Variants in RIC1 observed in about 807,000 individuals in gnomAD.
RIC1 encodes RIC1 partner of RAB6A GEF complex.
Under a neutral mutation model 169.0 loss-of-function variants are expected in RIC1, and 88 were observed. The observed-to-expected ratio is 0.52, with a 90% confidence interval of 0.44 to 0.62. The LOEUF (loss-of-function observed/expected upper bound fraction) is 0.62. Among genes scored for constraint, RIC1 ranks in the 20% least tolerant of loss-of-function variants. The pLI is 0.00. For synonymous variants in RIC1, 790 were observed against 601.5 expected (o/e 1.31, Z -4.59); for missense variants, 1,877 against 1,725.5 (o/e 1.09, Z -1.56).
At chr9:5,683,901 G>A (rs1821026116) in intron 2 of RIC1, among the ~76,000 whole-genome samples, 2 of 152,132 alleles carry the variant, frequency 1.3e-5, no homozygotes, top group Non-Finnish European at 1.5e-5. Context: ...AGACTGCTGT[G>A]CTAGCAATGA....
At chr9:5,768,312 G>A (rs1229142353) in intron 21 of RIC1, among the ~76,000 whole-genome samples, 3 of 152,158 alleles carry the variant, frequency 2.0e-5, no homozygotes, top group African/African-American at 7.2e-5. Flanking sequence ...GATTGCTTGA[G>A]GCCAGGAGTT....
chr9:5,753,524 T>C lies in RIC1; in HGVS notation c.1492-12T>C, dbSNP rs1217541606. On this transcript the variant is annotated splice_polypyrimidine_tract_variant and intron_variant, in intron 13 of 25. Coordinates refer to ENST00000414202, the MANE Select transcript of RIC1 (RefSeq NM_020829.4). ...TTTGCAAGGAAAAGTTCTTATTTTT[T>C]TTTTTAAACAGTTTTCAGCTATTGA... is the stretch of plus-strand genomic sequence containing the variant. 3 of 1,547,412 alleles carry C rather than the reference T, an allele frequency of 1.9e-6. No homozygotes were observed. The highest frequency in any genetic ancestry group is 2.6e-6 in the Non-Finnish European group (3 of 1,137,074).
At chr9:5,645,921 C>G (rs542518947) in intron 1 of RIC1, among the ~76,000 whole-genome samples, 1 of 150,986 alleles carries the variant, frequency 6.6e-6, no homozygotes, top group Non-Finnish European at 1.5e-5. Flanking sequence ...CAGAAGTGGA[C>G]CTGCTGTTTC....
chr9:5,732,333 TAC>T, intron 6 of RIC1, 53 bp from the exon 7 acceptor site: 2 of 1,306,314 alleles, frequency 1.5e-6, no homozygotes, highest in Non-Finnish European at 2.2e-6. Flanking sequence ...TTATATTGAC[TAC>T]GGTAAATTTG....
rs566327415 is a variant in RIC1, at chr9:5,683,632, C to G, written c.253-6327C>G. ...GGAGGCAGTCTGCCGGTTCTCAGATCTCAAGCTGTGTGCTGGGAGAGCCAC... is the reference window on the plus strand; with the variant it reads ...GGAGGCAGTCTGCCGGTTCTCAGATGTCAAGCTGTGTGCTGGGAGAGCCAC... On this transcript the variant is annotated intron_variant, in intron 2 of 25. Transcript: ENST00000414202. 2.0e-5 allele frequency among the ~76,000 whole-genome samples: 3 copies of G among 152,314 alleles called. No homozygotes were observed. The East Asian group carries it at 5.8e-4, about 29-fold the overall frequency.
chr9:5,712,379 G>C (rs112259194), intron 3 of RIC1, among the ~76,000 whole-genome samples: 3,313 of 152,230 alleles, frequency 0.022, 127 homozygotes, highest in African/African-American at 0.074. Context: ...CGCAGCAAAA[G>C]AAACTACCAT....
rs541534638 is a variant in RIC1 at position 5,684,826 on chromosome 9, T to C, written c.253-5133T>C. On this transcript the variant is annotated intron_variant, in intron 2 of 25. Transcript: ENST00000414202. ...TTTATAAATCTCTTTCATCCAGATA[T>C]GGAAGTTTCCCATTTCTTCCTAATT... Among the ~76,000 whole-genome samples the C allele has an allele frequency of 1.6e-4, 25 of 152,322 alleles. No individual in the cohort carries two copies. The South Asian group carries it at 5.0e-3, about 30-fold the overall frequency.
At chr9:5,759,021 G>T (rs1472098365) in intron 17 of RIC1, among the ~76,000 whole-genome samples, 3 of 151,782 alleles carry the variant, frequency 2.0e-5, no homozygotes, top group African/African-American at 7.3e-5. Context: ...GGGATTAAGG[G>T]CGTGAGCCAT....
chr9:5,756,105 A>T (rs1825996456), intron 15 of RIC1, 107 bp from the exon 16 acceptor site: 3 of 147,834 alleles, frequency 2.0e-5, no homozygotes, highest in Non-Finnish European at 3.9e-5. Context: ...TCCTGTTACT[A>T]AAAAAAAAAA....
In RIC1 at chr9:5,647,914, TTTTG is replaced by T. The variant is rs558615392; in HGVS notation, c.145-8663_145-8660del. Among the ~76,000 whole-genome samples, 23 of 150,504 alleles carry T rather than the reference TTTTG, an allele frequency of 1.5e-4. No individual in the cohort carries two copies. In the South Asian group the frequency reaches 2.3e-3, roughly 15 times the overall value. On this transcript the variant is annotated intron_variant, in intron 1 of 25. Transcript: ENST00000414202. The stretch of plus-strand genomic sequence containing the variant: ...TGTTTTTTGTTTTTGTTTGTTTGTT[TTTTG>T]TTTGTGTGTGTGGGGGTGGGTGGTG...
chr9:5,711,311 C>T (rs2130817847), intron 3 of RIC1, among the ~76,000 whole-genome samples: 1 of 152,206 alleles, frequency 6.6e-6, no homozygotes, highest in South Asian at 2.1e-4. Flanking sequence ...TGCATGCATA[C>T]TTTTTAATTA....
chr9:5,711,841 T>C (rs1273457564), intron 3 of RIC1, among the ~76,000 whole-genome samples: 1 of 152,188 alleles, frequency 6.6e-6, no homozygotes, highest in African/African-American at 2.4e-5. Flanking sequence ...TTTTTTGTCC[T>C]TGCGACAGTT....
chr9:5,692,357 T>C (rs1209895162), intron 3 of RIC1, among the ~76,000 whole-genome samples: 1 of 152,098 alleles, frequency 6.6e-6, no homozygotes, highest in Non-Finnish European at 1.5e-5. Flanking sequence ...ATCATTCATA[T>C]TTAATGCTTA....
intron 1 of RIC1, among the ~76,000 whole-genome samples, chr9:5,645,094 AT>A (rs1489956863): frequency 6.6e-6 from 1 of 151,974 alleles, no homozygotes; most frequent in Non-Finnish European, 1.5e-5. Flanking sequence ...TCCTTTGTCC[AT>A]TTAAAAAAAA....
intron 12 of RIC1, 67 bp from the exon 13 acceptor site, chr9:5,753,132 AT>A: frequency 2.9e-6 from 4 of 1,361,758 alleles, no homozygotes; most frequent in Non-Finnish European, 4.2e-6. Flanking sequence ...TCATAGTGTG[AT>A]AACTTAATGC....
At chr9:5,747,551 A>C in intron 12 of RIC1, 46 bp downstream of exon 12, 2 of 1,460,984 alleles carry the variant, frequency 1.4e-6, no homozygotes, top group Non-Finnish European at 9.6e-7. Context: ...CTTTGATAGG[A>C]TATCACCTGG....
At chr9:5,637,305 G>C (rs1051031664) in intron 1 of RIC1, among the ~76,000 whole-genome samples, 2 of 151,980 alleles carry the variant, frequency 1.3e-5, no homozygotes, top group Non-Finnish European at 2.9e-5. Flanking sequence ...CTGAGCTCAA[G>C]TGATCCATCC....
intron 17 of RIC1, among the ~76,000 whole-genome samples, chr9:5,760,975 T>G (rs965380863): frequency 2.6e-5 from 4 of 152,128 alleles, no homozygotes; most frequent in Admixed American, 6.6e-5. Context: ...TTATATAGCA[T>G]GTATAGCATT....
rs749895946 is a variant in RIC1 at position 5,774,180 on chromosome 9, G to C, written c.4206G>C (p.Glu1402Asp). 16 of 1,613,908 alleles carry C rather than the reference G, an allele frequency of 9.9e-6. No homozygotes were observed. Among genetic ancestry groups the C allele is most frequent in the African/African-American group, 9.3e-5 (7 of 74,924 alleles). Residue 1402 changes from glutamate (E) to aspartate (D), a missense_variant, in exon 26 of 26, where the codon GAG becomes GAC. Coordinates refer to ENST00000414202, the MANE Select transcript of RIC1 (RefSeq NM_020829.4). ...GCAATATGGTCAGCCGGAAAGAGGA[G>C]GACACAGCCCAAGCAGAGGAGGAAG... The part of the protein sequence containing the change: ...GSSNMVSRKE[E>D]DTAQAEEEEP...
Sources: allele counts gnomAD v4.1 joint callset (sites outside exome capture counted in the v4.1 genomes callset), GRCh38; gene constraint gnomAD v4.1.1; transcripts MANE v1.5; gene names NCBI Gene and HGNC (gene_info 2026-07-23, HGNC 2026-07-21).